Variants in OR10G7 observed in about 807,000 individuals in gnomAD.
OR10G7 encodes olfactory receptor family 10 subfamily G member 7.
For missense variants in OR10G7, 338 were observed against 382.1 expected (o/e 0.88, Z 0.96); for synonymous variants, 165 against 167.4 (o/e 0.99, Z 0.11).
In OR10G7 at chr11:124,038,176, T is replaced by C. The variant is rs184333829; in HGVS notation, c.826A>G (p.Thr276Ala). Residue 276 changes from threonine to alanine, a missense_variant, in exon 2 of 2, where the codon ACC becomes GCC. By Grantham distance (58) the Thr-to-Ala change is moderately conservative (BLOSUM62 0). Transcript: ENST00000641585. ...ALHGVVAVFY[T>A]TLTPLFNPVV... Reference sequence around the variant, plus strand: ...GGGTTGAAAAGAGGAGTCAGCGTGGTGTAGAAAACGGCCACAACCCCATGC... The same window carrying C: ...GGGTTGAAAAGAGGAGTCAGCGTGGCGTAGAAAACGGCCACAACCCCATGC... The C allele has an allele frequency of 3.1e-6, 5 of 1,614,114 alleles. No individual in the cohort carries two copies. The East Asian group carries it at 1.1e-4, about 36-fold the overall frequency.
At chr11:124,039,978 G>A (rs565527261) in intron 1 of OR10G7, among the ~76,000 whole-genome samples, 5 of 152,158 alleles carry the variant, frequency 3.3e-5, no homozygotes, top group African/African-American at 1.2e-4. Context: ...ACAAACACTG[G>A]GGACCCCTGC....
In OR10G7 at chr11:124,038,261, G is replaced by A. The variant is rs1864209247; in HGVS notation, c.741C>T (p.Val247=). 1.9e-6 allele frequency: 3 copies of A among 1,614,080 alleles called. 1 individual carries two copies. The African/African-American group carries it at 4.0e-5, about 22-fold the overall frequency. The part of the protein sequence containing the change: ...FQTCASHCIV[V]LCFFGPGLFI... ...AAAGACCAGGGCCAAAGAAGCAAAG[G>A]ACCACGATACAGTGGGAGGCACAGG... Residue 247 remains valine, a synonymous_variant, in exon 2 of 2, where the codon GTC becomes GTT. Coordinates refer to ENST00000641585, the MANE Select transcript of OR10G7 (RefSeq NM_001004463.2).
rs760893222 is a variant in OR10G7, at chr11:124,038,696, A to G, written c.306T>C (p.Phe102=). 3.7e-6 allele frequency: 6 copies of G among 1,613,866 alleles called. No individual in the cohort carries two copies. The highest frequency in any genetic ancestry group is 2.2e-5 in the East Asian group (1 of 44,886). ...SFHSCVAQLY[F]FHFLGSTECF... ...ACTCGGTGCTCCCCAGGAAGTGGAA[A>G]AAATAGAGCTGAGCCACGCAGCTGT... is the stretch of plus-strand genomic sequence containing the variant. The change falls in exon 2 of 2, where the codon TTT becomes TTC. Residue 102 remains phenylalanine, a synonymous_variant. Coordinates refer to ENST00000641585, the MANE Select transcript of OR10G7 (RefSeq NM_001004463.2).
rs757243106 is a variant in OR10G7 at position 124,038,881 on chromosome 11, G to C, written c.121C>G (p.Leu41Val). ...ACCCTGATCACCAGCAGGATGAGGA[G>C]GTTCCCCAGCACAGTGAGCACGTAA... is the stretch of plus-strand genomic sequence containing the variant. ...VVYVLTVLGN[L>V]LILLVIRVDS... is the part of the protein sequence containing the mutation. Residue 41 changes from leucine to valine, a missense_variant, in exon 2 of 2, where the codon CTC (leucine) becomes GTC (valine). By Grantham distance (32) the Leu-to-Val change is conservative. Coordinates refer to ENST00000641585, the MANE Select transcript of OR10G7 (RefSeq NM_001004463.2). The C allele has an allele frequency of 2.3e-5, 37 of 1,613,656 alleles. No homozygotes were observed. The highest frequency in any genetic ancestry group is 3.3e-5 in the Admixed American group (2 of 59,992).
In OR10G7 at chr11:124,038,881, G is replaced by A. The variant is rs757243106; in HGVS notation, c.121C>T (p.Leu41Phe). The change falls in exon 2 of 2, where the codon CTC (leucine) becomes TTC (phenylalanine). Residue 41 changes from leucine to phenylalanine, a missense_variant. Transcript: ENST00000641585. The part of the protein sequence containing the change: ...VVYVLTVLGN[L>F]LILLVIRVDS... ...ACCCTGATCACCAGCAGGATGAGGA[G>A]GTTCCCCAGCACAGTGAGCACGTAA... 1 of 1,613,776 alleles carries A rather than the reference G, an allele frequency of 6.2e-7. No homozygotes were observed. Among genetic ancestry groups the A allele is most frequent in the Non-Finnish European group, 8.5e-7 (1 of 1,179,840 alleles).
Position 124,038,360 on chromosome 11 carries a change from C to A in OR10G7, c.642G>T (p.Val214=). ...LVASGCFVLI[V]LSYVSIVCSI... Reference sequence around the variant, plus strand: ...AACAGACGATGGACACATAGGACAGCACTATCAGGACAAAGCAGCCCGAGG... The same window carrying A: ...AACAGACGATGGACACATAGGACAGAACTATCAGGACAAAGCAGCCCGAGG... The change falls in exon 2 of 2, where the codon GTG becomes GTT. Residue 214 remains valine (V), a synonymous_variant. Transcript: ENST00000641585. 2 of 1,614,120 alleles carry A rather than the reference C, an allele frequency of 1.2e-6. No homozygotes were observed. Among genetic ancestry groups the A allele is most frequent in the Non-Finnish European group, 1.7e-6 (2 of 1,180,044 alleles).
At chr11:124,039,330 C>T (rs1864225230) in intron 1 of OR10G7, among the ~76,000 whole-genome samples, 1 of 152,044 alleles carries the variant, frequency 6.6e-6, no homozygotes, top group African/African-American at 2.4e-5. Context: ...CACTTAGGTG[C>T]TGGCAAGCTC....
Position 124,038,023 on chromosome 11 carries a change from A to T in OR10G7, c.*43T>A. ...CTTATGTTGAAGGTTTAATTTAATT[A>T]CAAATAAAAAAAGAAAAGTTAGCCA... is the stretch of plus-strand genomic sequence containing the variant. On this transcript the variant is annotated 3_prime_UTR_variant, in exon 2 of 2. Transcript: ENST00000641585. 7.6e-7 allele frequency: 1 copy of T among 1,311,740 alleles called. No individual in the cohort carries two copies. The highest frequency in any genetic ancestry group is 1.5e-5 in the South Asian group (1 of 67,774). The allele number at this position is 1,311,740 out of a possible 1,614,324, so 81.3% of individuals were successfully genotyped here. A position where few individuals can be genotyped will look rare whatever the true frequency, so the allele number is the denominator to read the frequency against.
chr11:124,038,644 C>A lies in OR10G7; in HGVS notation c.358G>T (p.Asp120Tyr). 3.1e-6 allele frequency: 5 copies of A among 1,613,938 alleles called. No homozygotes were observed. The highest frequency in any genetic ancestry group is 1.1e-5 in the South Asian group (1 of 91,058). ...ECFLYTVMSY[D>Y]RYLAISYPLR... ...GGGTAACTGATGGCCAGGTAGCGATCATAGGACATGACTGTGTAGAGGAAA... is the reference window on the plus strand; with the variant it reads ...GGGTAACTGATGGCCAGGTAGCGATAATAGGACATGACTGTGTAGAGGAAA... Residue 120 changes from aspartate to tyrosine, a missense_variant, in exon 2 of 2, where the codon GAT becomes TAT. Transcript: ENST00000641585.
At chr11:124,040,234 T>C (rs1184923531) in intron 1 of OR10G7, among the ~76,000 whole-genome samples, 1 of 152,122 alleles carries the variant, frequency 6.6e-6, no homozygotes, top group Non-Finnish European at 1.5e-5. Flanking sequence ...TAAGAAAGAC[T>C]AAACTTTCTC....
rs1864189310 is a variant in OR10G7 at position 124,036,038 on chromosome 11, T to C, written c.*2028A>G. ...ACACTGGTGTTAAAACTGTATAGTA[T>C]TTAACAAATACACACACATACACGT... On this transcript the variant is annotated 3_prime_UTR_variant, in exon 2 of 2. Transcript: ENST00000641585. 6.6e-6 allele frequency: 1 copy of C among 152,190 alleles called. No homozygotes were observed. Among genetic ancestry groups the C allele is most frequent in the African/African-American group, 2.4e-5 (1 of 41,460 alleles). 9.4% of individuals were successfully genotyped at this position (152,190 alleles called of 1,614,324 possible).
Position 124,038,006 on chromosome 11 carries a change from G to A in OR10G7, c.*60C>T. The A allele has an allele frequency of 9.1e-7, 1 of 1,096,744 alleles. No individual in the cohort carries two copies. Among genetic ancestry groups the A allele is most frequent in the Non-Finnish European group, 1.3e-6 (1 of 765,910 alleles). The allele number at this position is 1,096,744 out of a possible 1,614,324, so 67.9% of individuals were successfully genotyped here. On this transcript the variant is annotated 3_prime_UTR_variant, in exon 2 of 2. Coordinates refer to ENST00000641585, the MANE Select transcript of OR10G7 (RefSeq NM_001004463.2). ...TCCATTCAAGTATAATGCTTATGTT[G>A]AAGGTTTAATTTAATTACAAATAAA...
chr11:124,039,460 A>T (rs1223984461), intron 1 of OR10G7, among the ~76,000 whole-genome samples: 1 of 152,054 alleles, frequency 6.6e-6, no homozygotes, highest in Non-Finnish European at 1.5e-5. Flanking sequence ...ACACACTTTC[A>T]CACATACAGG....
Position 124,038,285 on chromosome 11 carries a change from G to C in OR10G7, c.717C>G (p.Thr239=), listed in dbSNP as rs1864209673. Residue 239 remains threonine (T), a synonymous_variant, in exon 2 of 2, where the codon ACC becomes ACG. Transcript: ENST00000641585. ...GGACCACGATACAGTGGGAGGCACA[G>C]GTCTGAAAGGCTCTGTGCCTCCCCT... ...TSEGRHRAFQ[T]CASHCIVVLC... 1 of 1,614,124 alleles carries C rather than the reference G, an allele frequency of 6.2e-7. No homozygotes were observed. Among genetic ancestry groups the C allele is most frequent in the African/African-American group, 1.3e-5 (1 of 74,974 alleles).
rs1864200697 is a variant in OR10G7, at chr11:124,037,428, A to G, written c.*638T>C. The G allele has an allele frequency of 1.3e-5, 2 of 152,122 alleles. No individual in the cohort carries two copies. The highest frequency in any genetic ancestry group is 6.5e-5 in the Admixed American group (1 of 15,284). 9.4% of individuals were successfully genotyped at this position (152,122 alleles called of 1,614,324 possible). A position where few individuals can be genotyped will look rare whatever the true frequency, so the allele number is the denominator to read the frequency against. On this transcript the variant is annotated 3_prime_UTR_variant, in exon 2 of 2. Coordinates refer to ENST00000641585, the MANE Select transcript of OR10G7 (RefSeq NM_001004463.2). The stretch of plus-strand genomic sequence containing the variant: ...CCACAAATATGGAAGGAAAGTCTAG[A>G]TAGTTGTCATCAGAGACCAATACAA...
rs115482641 is a variant in OR10G7, at chr11:124,036,581, C to A, written c.*1485G>T. ...GGTAATGGTAAGTTAGATATAACAG[C>A]GTGATGTTACAGAGAAGTGTAAGAA... On this transcript the variant is annotated 3_prime_UTR_variant, in exon 2 of 2. Coordinates refer to ENST00000641585, the MANE Select transcript of OR10G7 (RefSeq NM_001004463.2). The A allele has an allele frequency of 6.6e-6, 1 of 152,096 alleles. No individual in the cohort carries two copies. Among genetic ancestry groups the A allele is most frequent in the Non-Finnish European group, 1.5e-5 (1 of 68,018 alleles). The allele number at this position is 152,096 out of a possible 1,614,324, so 9.4% of individuals were successfully genotyped here.
In OR10G7 at chr11:124,038,744, T is replaced by G. The variant is rs1453573762; in HGVS notation, c.258A>C (p.Pro86=). The G allele has an allele frequency of 6.2e-7, 1 of 1,614,012 alleles. No homozygotes were observed. The highest frequency in any genetic ancestry group is 8.5e-7 in the Non-Finnish European group (1 of 1,180,038). Residue 86 remains proline, a synonymous_variant, in exon 2 of 2, where the codon CCA becomes CCC. Coordinates refer to ENST00000641585, the MANE Select transcript of OR10G7 (RefSeq NM_001004463.2). Reference sequence around the variant, plus strand: ...TGTGGAAGGAGATAGTCCTGCCGCTTGGGGACACCAAGGTCATCAGCATTT... The same window carrying G: ...TGTGGAAGGAGATAGTCCTGCCGCTGGGGGACACCAAGGTCATCAGCATTT... The part of the protein sequence containing the change: ...VPKMLMTLVS[P]SGRTISFHSC...
chr11:124,040,495 C>G (rs1264974918), intron 1 of OR10G7, among the ~76,000 whole-genome samples: 1 of 151,948 alleles, frequency 6.6e-6, no homozygotes, highest in Non-Finnish European at 1.5e-5. Flanking sequence ...ACCTGGACCT[C>G]TCTGATAGAA....
Position 124,041,133 on chromosome 11 carries a change from T to C in OR10G7, c.-268A>G, listed in dbSNP as rs1362257209. 1.3e-5 allele frequency: 2 copies of C among 152,160 alleles called. No individual in the cohort carries two copies. Among genetic ancestry groups the C allele is most frequent in the Non-Finnish European group, 2.9e-5 (2 of 68,028 alleles). The allele number at this position is 152,160 out of a possible 1,614,324, so 9.4% of individuals were successfully genotyped here. Reference sequence around the variant, plus strand: ...TGGAATTTTTTCCAAATGCATCTGCTAAAGTTGATTCTGCATTGGATGGCC... The same window carrying C: ...TGGAATTTTTTCCAAATGCATCTGCCAAAGTTGATTCTGCATTGGATGGCC... On this transcript the variant is annotated 5_prime_UTR_variant, in exon 1 of 2. An upstream open reading frame in the 5' UTR loses its in-frame stop. Coordinates refer to ENST00000641585, the MANE Select transcript of OR10G7 (RefSeq NM_001004463.2).
Sources: gnomAD v4.1 joint callset for allele counts (sites outside exome capture counted in the v4.1 genomes callset) on GRCh38, gnomAD v4.1.1 for gene constraint, MANE v1.5 for transcripts, NCBI Gene and HGNC (gene_info 2026-07-23, HGNC 2026-07-21) for gene names.